The following ZNF804A variants were observed in gnomAD, a reference collection of about 807,000 sequenced individuals.
ZNF804A encodes the protein zinc finger protein 804A.
Under a neutral mutation model 16.5 loss-of-function variants are expected in ZNF804A, and 2 were observed. The ratio of observed to expected loss-of-function variants is 0.12; its 90% CI spans 0.05 to 0.38. The LOEUF is 0.38. Among genes scored for constraint, ZNF804A ranks in the 10% least tolerant of loss-of-function variants. The pLI, the probability that ZNF804A is intolerant of heterozygous loss-of-function variation, is 0.99. For missense variants in ZNF804A, 1,473 were observed against 1,390.7 expected, an observed-to-expected ratio of 1.06 and a Z score of -0.94; for synonymous variants, 534 against 489.6, an observed-to-expected ratio of 1.09 and a Z score of -1.20.
chr2:184,655,844 A>G (rs966578613), intron 1 of ZNF804A, among the ~76,000 whole-genome samples: 8 of 152,182 alleles, frequency 5.3e-5, no homozygotes, highest in African/African-American at 1.9e-4. Flanking sequence ...ACAGGCCATT[A>G]GCGGTGGATG....
chr2:184,599,167 A>C, intron 1 of ZNF804A, 97 bp downstream of exon 1: 1 of 995,648 alleles, frequency 1.0e-6, no homozygotes, highest in Non-Finnish European at 1.5e-6. Flanking sequence ...TTGGTTTATA[A>C]TTTACTCATT....
rs571687560 is a variant in ZNF804A at position 184,904,445 on chromosome 2, G to A, written c.256-29158G>A. Among the ~76,000 whole-genome samples the A allele has an allele frequency of 2.3e-4, 35 of 152,024 alleles. 1 individual carries two copies. Among genetic ancestry groups the A allele is most frequent in the African/African-American group, 8.0e-4 (33 of 41,506 alleles). ...AGGTGCAGATAGAAGCTAAATAGTC[G>A]ACTAAGTTGCTCAATTGTGGCATGG... On this transcript the variant is annotated intron_variant, in intron 2 of 3. Transcript: ENST00000302277.
chr2:184,656,666 T>TTG (rs1295035569), intron 1 of ZNF804A, among the ~76,000 whole-genome samples: 2 of 151,990 alleles, frequency 1.3e-5, no homozygotes, highest in African/African-American at 2.4e-5. Context: ...TTTCTTTATC[T>TTG]TGTGTGTGTA....
In ZNF804A at chr2:184,687,365, A is replaced by G. The variant is rs17584193; in HGVS notation, c.111+88295A>G. ...ATATTGCTGGAAGATGTCAAAGATC[A>G]GTACCACTTATTTTTTATTTATTCA... On this transcript the variant is annotated intron_variant, in intron 1 of 3. Coordinates refer to ENST00000302277, the MANE Select transcript of ZNF804A (RefSeq NM_194250.2). Among the ~76,000 whole-genome samples, 2,720 of 152,316 alleles carry G rather than the reference A, an allele frequency of 0.018. 172 individuals carry two copies. In the East Asian group the frequency reaches 0.21, roughly 12 times the overall value.
intron 1 of ZNF804A, among the ~76,000 whole-genome samples, chr2:184,696,247 A>G (rs1574167282): frequency 1.3e-5 from 2 of 152,290 alleles, no homozygotes; most frequent in African/African-American, 2.4e-5. Flanking sequence ...TTAAAAAAAC[A>G]AAAGAGGAAG....
At chr2:184,874,907 A>G (rs1696029834) in intron 2 of ZNF804A, among the ~76,000 whole-genome samples, 1 of 152,192 alleles carries the variant, frequency 6.6e-6, no homozygotes. Flanking sequence ...CTTAAGCTAC[A>G]TTTGCACTAA....
intron 1 of ZNF804A, among the ~76,000 whole-genome samples, chr2:184,859,086 T>A: frequency 6.6e-6 from 1 of 152,202 alleles, no homozygotes; most frequent in Non-Finnish European, 1.5e-5. Flanking sequence ...TTCAGGATTT[T>A]CTCTTTGTCT....
At chr2:184,607,102 T>A (rs1312287704) in intron 1 of ZNF804A, among the ~76,000 whole-genome samples, 1 of 152,184 alleles carries the variant, frequency 6.6e-6, no homozygotes, top group Non-Finnish European at 1.5e-5. Context: ...TTATCTGAAA[T>A]GTTTGCCTGG....
chr2:184,874,108 A>G (rs1696016550), intron 2 of ZNF804A, among the ~76,000 whole-genome samples: 1 of 152,108 alleles, frequency 6.6e-6, no homozygotes, highest in Non-Finnish European at 1.5e-5. Context: ...GATTGCAAAG[A>G]CTACACCTTT....
intron 2 of ZNF804A, among the ~76,000 whole-genome samples, chr2:184,915,459 G>A (rs1685429553): frequency 6.6e-6 from 1 of 152,012 alleles, no homozygotes; most frequent in Non-Finnish European, 1.5e-5. Flanking sequence ...TTACACTTGA[G>A]TTTCTATTAC....
chr2:184,664,075 T>C (rs1692220552), intron 1 of ZNF804A, among the ~76,000 whole-genome samples: 1 of 152,240 alleles, frequency 6.6e-6, no homozygotes, highest in African/African-American at 2.4e-5. Flanking sequence ...AGACAAAAAC[T>C]ATTTTGTATG....
rs529342749 is a variant in ZNF804A at position 184,748,032 on chromosome 2, C to T, written c.112-118337C>T. On this transcript the variant is annotated intron_variant, in intron 1 of 3. Coordinates refer to ENST00000302277, the MANE Select transcript of ZNF804A (RefSeq NM_194250.2). Reference sequence around the variant, plus strand: ...TGTAACACATTTTCTTTAGCCAGTCCACTATTGATAGGCACTTTGGTTGAT... The same window carrying T: ...TGTAACACATTTTCTTTAGCCAGTCTACTATTGATAGGCACTTTGGTTGAT... 4.7e-5 allele frequency among the ~76,000 whole-genome samples: 7 copies of T among 150,310 alleles called. 1 individual carries two copies. Among genetic ancestry groups the T allele is most frequent in the African/African-American group, 1.7e-4 (7 of 41,364 alleles).
At chr2:184,732,593 C>G (rs1266092627) in intron 1 of ZNF804A, among the ~76,000 whole-genome samples, 1 of 152,094 alleles carries the variant, frequency 6.6e-6, no homozygotes, top group Non-Finnish European at 1.5e-5. Context: ...ACTGGAATTT[C>G]ATTTAATCTG....
chr2:184,796,292 G>A (rs1179596735), intron 1 of ZNF804A, among the ~76,000 whole-genome samples: 2 of 152,038 alleles, frequency 1.3e-5, no homozygotes, highest in Non-Finnish European at 2.9e-5. Flanking sequence ...AATAGGATTA[G>A]TACCAATTCT....
At chr2:184,745,806 A>G (rs1266891191) in intron 1 of ZNF804A, among the ~76,000 whole-genome samples, 5 of 151,678 alleles carry the variant, frequency 3.3e-5, no homozygotes, top group Non-Finnish European at 7.4e-5. Flanking sequence ...CCCTAGCATA[A>G]TGCTTAAGAC....
At chr2:184,800,279 G>T (rs114568260) in intron 1 of ZNF804A, among the ~76,000 whole-genome samples, 1 of 151,636 alleles carries the variant, frequency 6.6e-6, no homozygotes, top group Non-Finnish European at 1.5e-5. Context: ...AGTAAGTCTT[G>T]CTGAAATTCT....
intron 1 of ZNF804A, among the ~76,000 whole-genome samples, chr2:184,666,199 T>C (rs1692251437): frequency 6.6e-6 from 1 of 152,160 alleles, no homozygotes; most frequent in Non-Finnish European, 1.5e-5. Flanking sequence ...GCAATTTCAG[T>C]ATATAAGAAA....
chr2:184,841,124 T>G lies in ZNF804A; in HGVS notation c.112-25245T>G, dbSNP rs145601537. ...GTAATTCCTGCACTATCTTTCACGT[T>G]TTTGTCATATGTCCCTGTATGTCTT... On this transcript the variant is annotated intron_variant, in intron 1 of 3. Transcript: ENST00000302277. Among the ~76,000 whole-genome samples, 733 of 152,218 alleles carry G rather than the reference T, an allele frequency of 4.8e-3. 9 individuals are homozygous for G. The highest frequency in any genetic ancestry group is 0.017 in the African/African-American group (704 of 41,520).
At chr2:184,731,527 A>G (rs1211205363) in intron 1 of ZNF804A, among the ~76,000 whole-genome samples, 4 of 140,248 alleles carry the variant, frequency 2.9e-5, no homozygotes, top group Non-Finnish European at 3.1e-5. Context: ...TCATTTGCAT[A>G]TCTTCCTCAG....
Sources: gnomAD v4.1 joint callset for allele counts (sites outside exome capture counted in the v4.1 genomes callset) on GRCh38, gnomAD v4.1.1 for gene constraint, MANE v1.5 for transcripts, NCBI Gene and HGNC (gene_info 2026-07-23, HGNC 2026-07-21) for gene names.